ELAPOR2: variants seen among roughly 807,000 people sequenced by gnomAD.
The protein encoded by ELAPOR2 is endosome/lysosome-associated apoptosis and autophagy regulator family member 2.
In ELAPOR2, 89 loss-of-function variants were observed where a neutral mutation model predicts 120.7. That is an observed-to-expected ratio of 0.74 (90% CI 0.62 to 0.88). The LOEUF (loss-of-function observed/expected upper bound fraction) is 0.88, where lower values mean the gene tolerates loss of function less well. Among genes scored for constraint, ELAPOR2 ranks in the 40% least tolerant of loss-of-function variants. The pLI is 0.00. For missense variants in ELAPOR2, 1,134 were observed against 1,251.6 expected (o/e 0.91, Z 1.42); for synonymous variants, 444 against 444.9 (o/e 1.00, Z 0.03).
rs1789080791 is a variant in ELAPOR2, at chr7:86,907,581, T to C, written c.2558+89A>G. On this transcript the variant is annotated intron_variant, in intron 18 of 21. Transcript: ENST00000450689. ...ATTGTTCTGTTTTCTTTCTGCTTTA[T>C]GTTCATAGAGAATATGTTTTAAAAT... is the stretch of plus-strand genomic sequence containing the variant. 5 of 846,448 alleles carry C rather than the reference T, an allele frequency of 5.9e-6. No individual in the cohort carries two copies. In the East Asian group the frequency reaches 1.2e-4, roughly 20 times the overall value. The allele number at this position is 846,448 out of a possible 1,614,324, so 52.4% of individuals were successfully genotyped here.
intron 5 of ELAPOR2, 107 bp from the exon 6 acceptor site, chr7:86,940,222 A>T (rs961635707): frequency 3.6e-6 from 2 of 550,468 alleles, no homozygotes; most frequent in Admixed American, 6.6e-5. Flanking sequence ...CCATTAATTT[A>T]AAACCCACAG....
chr7:86,913,007 C>A lies in ELAPOR2; in HGVS notation c.1929G>T (p.Leu643=), dbSNP rs2116095221. Residue 643 remains leucine, a synonymous_variant, in exon 14 of 22, where the codon CTG becomes CTT. Coordinates refer to ENST00000450689, the MANE Select transcript of ELAPOR2 (RefSeq NM_001142749.3). The part of the protein sequence containing the change: ...QCKECPPDTY[L]SIHQVYGKEA... Reference sequence around the variant, plus strand: ...CTTTGCCATAGACCTGATGTATGGACAGGTAGGTGTCAGGTGGACATTCCT... The same window carrying A: ...CTTTGCCATAGACCTGATGTATGGAAAGGTAGGTGTCAGGTGGACATTCCT... The A allele has an allele frequency of 6.2e-7, 1 of 1,614,076 alleles. No homozygotes were observed. Among genetic ancestry groups the A allele is most frequent in the Non-Finnish European group, 8.5e-7 (1 of 1,179,978 alleles).
At chr7:86,927,470 A>G (rs1157711868) in intron 8 of ELAPOR2, among the ~76,000 whole-genome samples, 1 of 151,986 alleles carries the variant, frequency 6.6e-6, no homozygotes, top group East Asian at 1.9e-4. Flanking sequence ...CAAGAGCTGT[A>G]GCTAAAATGT....
chr7:86,891,116 C>T (rs898098622), intron 21 of ELAPOR2: 1 of 151,930 alleles, frequency 6.6e-6, no homozygotes, highest in Non-Finnish European at 1.5e-5. Flanking sequence ...AATATTTTAC[C>T]TCACATACCT....
intron 1 of ELAPOR2, among the ~76,000 whole-genome samples, chr7:87,039,559 T>A (rs1409461527): frequency 3.9e-5 from 6 of 152,314 alleles, no homozygotes; most frequent in South Asian, 4.1e-4. Context: ...TCATTCATCA[T>A]GACCAAGTGA....
At chr7:86,905,851 T>C (rs1386772356) in intron 18 of ELAPOR2, among the ~76,000 whole-genome samples, 1 of 152,172 alleles carries the variant, frequency 6.6e-6, no homozygotes. Context: ...ATAGTTTACT[T>C]CCCTAAGTGG....
At chr7:86,958,439 T>A (rs112416646) in intron 2 of ELAPOR2, among the ~76,000 whole-genome samples, 25 of 152,348 alleles carry the variant, frequency 1.6e-4, no homozygotes, top group African/African-American at 6.0e-4. Flanking sequence ...ATAATTATTA[T>A]TCCAGGACTG....
At chr7:86,934,493 G>A (rs1202648685) in intron 8 of ELAPOR2, among the ~76,000 whole-genome samples, 2 of 151,852 alleles carry the variant, frequency 1.3e-5, no homozygotes, top group African/African-American at 4.8e-5. Context: ...CTCATCTAGG[G>A]TGACTGTTCA....
chr7:86,925,621 G>C lies in ELAPOR2; in HGVS notation c.1306C>G (p.Leu436Val). The C allele has an allele frequency of 6.2e-7, 1 of 1,611,980 alleles. No individual in the cohort carries two copies. The highest frequency in any genetic ancestry group is 8.5e-7 in the Non-Finnish European group (1 of 1,178,580). The change falls in exon 10 of 22, where the codon CTT becomes GTT. Residue 436 changes from leucine to valine, a missense_variant. This residue lies in a region of ELAPOR2 where 831 missense variants were observed against 867.6 expected (regional missense o/e 0.96). Coordinates refer to ENST00000450689, the MANE Select transcript of ELAPOR2 (RefSeq NM_001142749.3). ...TTCCACCATTTATATTCAAAGCCAAGTGCAGGCTCCGTTCCTGCTGGACAT... is the reference window on the plus strand; with the variant it reads ...TTCCACCATTTATATTCAAAGCCAACTGCAGGCTCCGTTCCTGCTGGACAT... Reference protein sequence around the residue: ...RPCPAGTEPALGFEYKWWNVL... With the variant: ...RPCPAGTEPAVGFEYKWWNVL...
chr7:86,896,197 T>A (rs1476833306), intron 19 of ELAPOR2, among the ~76,000 whole-genome samples: 7 of 152,142 alleles, frequency 4.6e-5, no homozygotes, highest in Non-Finnish European at 1.0e-4. Flanking sequence ...TACTTTACAT[T>A]AACTCTATGC....
intron 1 of ELAPOR2, among the ~76,000 whole-genome samples, chr7:87,026,295 G>A (rs969918490): frequency 6.6e-6 from 1 of 151,950 alleles, no homozygotes; most frequent in Non-Finnish European, 1.5e-5. Flanking sequence ...GGTTAGTATG[G>A]GAACTATCAC....
intron 1 of ELAPOR2, among the ~76,000 whole-genome samples, chr7:87,058,865 G>A (rs1240356236): frequency 6.6e-6 from 1 of 152,122 alleles, no homozygotes; most frequent in Non-Finnish European, 1.5e-5. Flanking sequence ...CAGGGGAGTA[G>A]GACGAAGGCG....
rs115051593 is a variant in ELAPOR2 at position 86,911,172 on chromosome 7, C to T, written c.2169+900G>A. On this transcript the variant is annotated intron_variant, in intron 15 of 21. Coordinates refer to ENST00000450689, the MANE Select transcript of ELAPOR2 (RefSeq NM_001142749.3). Reference sequence around the variant, plus strand: ...ACAATGGAATTAATCTTATTCACTGCTTCCCACAGTATCTGGCACATAACA... The same window carrying T: ...ACAATGGAATTAATCTTATTCACTGTTTCCCACAGTATCTGGCACATAACA... Among the ~76,000 whole-genome samples the T allele has an allele frequency of 1.9e-3, 283 of 152,194 alleles. 1 individual carries two copies. The highest frequency in any genetic ancestry group is 6.8e-3 in the Middle Eastern group (2 of 294).
intron 10 of ELAPOR2, among the ~76,000 whole-genome samples, chr7:86,923,534 AT>A (rs1392520706): frequency 6.6e-6 from 1 of 151,942 alleles, no homozygotes; most frequent in African/African-American, 2.4e-5. Context: ...GTTTTCTCCT[AT>A]TTTTCACTCT....
intron 1 of ELAPOR2, among the ~76,000 whole-genome samples, chr7:87,051,941 T>G (rs11771901): frequency 0.57 from 86,349 of 152,126 alleles, 25,179 homozygotes; most frequent in East Asian, 0.76. Flanking sequence ...ATCACCAGCA[T>G]CTTGCATAAT....
chr7:86,901,587 A>G (rs1011541157), intron 18 of ELAPOR2, among the ~76,000 whole-genome samples: 2 of 152,194 alleles, frequency 1.3e-5, no homozygotes, highest in Non-Finnish European at 2.9e-5. Context: ...GTTAAAATAC[A>G]TTTATCCATA....
intron 1 of ELAPOR2, among the ~76,000 whole-genome samples, chr7:87,051,306 G>T (rs1297496060): frequency 6.6e-6 from 1 of 152,164 alleles, no homozygotes; most frequent in African/African-American, 2.4e-5. Context: ...GTAAATTTCA[G>T]TGATGACAGA....
chr7:86,934,670 T>G (rs1562930630), intron 8 of ELAPOR2, among the ~76,000 whole-genome samples: 1 of 152,036 alleles, frequency 6.6e-6, no homozygotes, highest in Non-Finnish European at 1.5e-5. Context: ...TGCAAACTTT[T>G]ACCCAACCCC....
chr7:86,904,664 T>G (rs560340164), intron 18 of ELAPOR2, among the ~76,000 whole-genome samples: 7 of 152,312 alleles, frequency 4.6e-5, no homozygotes, highest in African/African-American at 1.7e-4. Flanking sequence ...GCCCAGATAA[T>G]TTGCTGTTCC....
Sources: allele counts gnomAD v4.1 joint callset (sites outside exome capture counted in the v4.1 genomes callset), GRCh38; gene constraint gnomAD v4.1.1; regional missense constraint gnomAD v4.1.1; transcripts MANE v1.5; gene names NCBI Gene and HGNC (gene_info 2026-07-23, HGNC 2026-07-21).